MYO10: variants seen among roughly 807,000 people sequenced by gnomAD.
The protein encoded by MYO10 is myosin X.
Under a neutral mutation model 257.3 loss-of-function variants are expected in MYO10, and 133 were observed. The observed-to-expected ratio is 0.52, with a 90% CI of 0.45 to 0.60. MYO10 has a LOEUF of 0.60. Among genes scored for constraint, MYO10 ranks in the 20% least tolerant of loss-of-function variants. The probability of loss-of-function intolerance (pLI) is 0.00; values close to 1 mark genes in which losing one functional copy is unlikely to be tolerated. For missense variants in MYO10, 2,399 were observed against 2,635.7 expected, an observed-to-expected ratio of 0.91 and a Z score of 1.97; for synonymous variants, 1,104 against 1,028.6, an observed-to-expected ratio of 1.07 and a Z score of -1.40.
intron 2 of MYO10, among the ~76,000 whole-genome samples, chr5:16,870,894 C>A (rs1327509756): frequency 6.6e-6 from 1 of 152,108 alleles, no homozygotes; most frequent in Non-Finnish European, 1.5e-5. Context: ...CTCAGTCACA[C>A]ACACACAAAA....
In MYO10 at chr5:16,701,261, G is replaced by A; in HGVS notation, c.3134C>T (p.Pro1045Leu). 2 of 1,613,612 alleles carry A rather than the reference G, an allele frequency of 1.2e-6. No homozygotes were observed. The highest frequency in any genetic ancestry group is 1.7e-6 in the Non-Finnish European group (2 of 1,179,784). The change falls in exon 25 of 41, where the codon CCC (proline) becomes CTC (leucine). Residue 1045 changes from proline (P) to leucine (L), a missense_variant. Transcript: ENST00000513610. This position sits in a 1 kb window ranked among gnomAD's most constrained non-coding sequence, Gnocchi z 8.1. ...YMNDTVVPTSPSADSTVLLAP... is the reference protein window; with the variant it reads ...YMNDTVVPTSLSADSTVLLAP... ...GAGCAGCACCGTGCTGTCCGCACTG[G>A]GGCTGGTGGGCACCACCGTGTCGTT...
At chr5:16,810,412 T>C (rs1742402064) in intron 3 of MYO10, among the ~76,000 whole-genome samples, 1 of 152,190 alleles carries the variant, frequency 6.6e-6, no homozygotes, top group Admixed American at 6.5e-5. Context: ...CAACACGCCC[T>C]CAGCCCATCT....
intron 2 of MYO10, among the ~76,000 whole-genome samples, chr5:16,855,645 T>A (rs1743939790): frequency 6.6e-6 from 1 of 152,214 alleles, no homozygotes; most frequent in Non-Finnish European, 1.5e-5. Context: ...GGAGGCCTGA[T>A]CTCTTTTGAG....
chr5:16,922,143 G>C (rs760500576), intron 1 of MYO10, among the ~76,000 whole-genome samples: 1 of 151,916 alleles, frequency 6.6e-6, no homozygotes, highest in Non-Finnish European at 1.5e-5. Flanking sequence ...GAACCCGGGA[G>C]GCAGAGGCTG....
chr5:16,703,617 G>T (rs1032682438), intron 22 of MYO10, among the ~76,000 whole-genome samples: 3 of 152,118 alleles, frequency 2.0e-5, no homozygotes, highest in Non-Finnish European at 4.4e-5. Flanking sequence ...GGTGGCTCAT[G>T]CCTGTAATCC....
intron 1 of MYO10, among the ~76,000 whole-genome samples, chr5:16,932,304 C>T (rs1746313980): frequency 1.3e-5 from 2 of 152,152 alleles, no homozygotes; most frequent in Admixed American, 6.5e-5. Flanking sequence ...CTCTGCCTAA[C>T]AGGGAAACAG....
intron 2 of MYO10, among the ~76,000 whole-genome samples, chr5:16,867,408 G>T (rs1282295272): frequency 6.6e-6 from 1 of 151,984 alleles, no homozygotes; most frequent in East Asian, 1.9e-4. Context: ...GGTGTGAAAA[G>T]GTCAAAAGGT....
At chr5:16,757,773 T>G (rs1180352444) in intron 18 of MYO10, among the ~76,000 whole-genome samples, 1 of 152,162 alleles carries the variant, frequency 6.6e-6, no homozygotes, top group Non-Finnish European at 1.5e-5. Context: ...CAGGCAATCC[T>G]CCCACCTCAG....
At chr5:16,876,528 C>T (rs569042165) in intron 2 of MYO10, among the ~76,000 whole-genome samples, 5 of 152,188 alleles carry the variant, frequency 3.3e-5, no homozygotes, top group Admixed American at 2.6e-4. Context: ...CAGTGGGATC[C>T]TAGTATTTTC....
chr5:16,855,599 T>C (rs1743938620), intron 2 of MYO10, among the ~76,000 whole-genome samples: 1 of 152,234 alleles, frequency 6.6e-6, no homozygotes, highest in African/African-American at 2.4e-5. Context: ...TCGGACAGGA[T>C]TTGCCCTTTA....
At chr5:16,699,786 C>CA (rs1203905060) in intron 25 of MYO10, 6,100 of 51,458 alleles carry the variant, frequency 0.12, 284 homozygotes, top group East Asian at 0.23. Context: ...GCCTCAGTCT[C>CA]AAAAAAAAAA....
chr5:16,819,550 C>T (rs1424572116), intron 2 of MYO10, among the ~76,000 whole-genome samples: 1 of 151,504 alleles, frequency 6.6e-6, no homozygotes, highest in African/African-American at 2.4e-5. Context: ...ATAAAAACAT[C>T]AAGAGATTTA....
At chr5:16,818,733 C>A (rs940246078) in intron 2 of MYO10, among the ~76,000 whole-genome samples, 3 of 151,996 alleles carry the variant, frequency 2.0e-5, no homozygotes, top group Non-Finnish European at 4.4e-5. Context: ...GCCACAGAGC[C>A]CAGCTGTCAC....
At chr5:16,705,972 A>G (rs746594973) in intron 21 of MYO10, among the ~76,000 whole-genome samples, 143 of 152,262 alleles carry the variant, frequency 9.4e-4, no homozygotes, top group Non-Finnish European at 1.4e-3. Flanking sequence ...ACCTGAGGTC[A>G]GGAGTTGGGA....
intron 3 of MYO10, among the ~76,000 whole-genome samples, chr5:16,812,933 T>A (rs1000605411): frequency 2.6e-5 from 4 of 151,704 alleles, no homozygotes; most frequent in African/African-American, 9.7e-5. Flanking sequence ...TTTATTTTTT[T>A]TTTTTTTTTA....
At chr5:16,773,055 T>G (rs1741102115) in intron 9 of MYO10, among the ~76,000 whole-genome samples, 1 of 152,232 alleles carries the variant, frequency 6.6e-6, no homozygotes, top group Non-Finnish European at 1.5e-5. Context: ...TGGACGTATT[T>G]AATTATGTGT....
At chr5:16,881,766 A>T (rs1471093889) in intron 1 of MYO10, among the ~76,000 whole-genome samples, 1 of 152,168 alleles carries the variant, frequency 6.6e-6, no homozygotes, top group Non-Finnish European at 1.5e-5. Context: ...CCCAGGTCCG[A>T]AAGAGGCCAC....
At chr5:16,915,879 C>T (rs1279480865) in intron 1 of MYO10, among the ~76,000 whole-genome samples, 3 of 151,804 alleles carry the variant, frequency 2.0e-5, no homozygotes, top group Non-Finnish European at 4.4e-5. Context: ...ATTGCTTGAA[C>T]CCAGGAGGCA....
At chr5:16,877,488 T>G in intron 2 of MYO10, 121 bp downstream of exon 2, 2 of 697,054 alleles carry the variant, frequency 2.9e-6, no homozygotes, top group Middle Eastern at 3.8e-4. Context: ...TTTTGAATTA[T>G]CACTTAGGAA....
Sources: allele counts gnomAD v4.1 joint callset (sites outside exome capture counted in the v4.1 genomes callset), GRCh38; gene constraint gnomAD v4.1.1; non-coding constraint Gnocchi (gnomAD v3.1); transcripts MANE v1.5; gene names NCBI Gene and HGNC (gene_info 2026-07-23, HGNC 2026-07-21).